The following WDR59 variants were observed in gnomAD, a reference collection of about 807,000 sequenced individuals.
The protein encoded by WDR59 is GATOR2 complex protein WDR59.
In WDR59, 100 loss-of-function variants were observed where a neutral mutation model predicts 131.2. The ratio of observed to expected loss-of-function variants is 0.76; its 90% CI spans 0.65 to 0.90. The LOEUF (loss-of-function observed/expected upper bound fraction) is 0.90. Ranked by LOEUF, WDR59 falls within the 40% of genes least tolerant of loss-of-function variation. The pLI is 0.00. For synonymous variants in WDR59, 601 were observed against 466.2 expected (o/e 1.29, Z -3.72); for missense variants, 1,203 against 1,262.2 (o/e 0.95, Z 0.71).
intron 15 of WDR59, 67 bp from the exon 16 acceptor site, chr16:74,909,724 C>T (rs1355752302): frequency 3.9e-6 from 6 of 1,555,502 alleles, no homozygotes; most frequent in Non-Finnish European, 4.3e-6. Flanking sequence ...AAAATAAAGA[C>T]CCAGTATGAC....
intron 8 of WDR59, among the ~76,000 whole-genome samples, chr16:74,934,500 A>T (rs1052198846): frequency 6.6e-6 from 1 of 152,206 alleles, no homozygotes; most frequent in East Asian, 1.9e-4. Flanking sequence ...TGTCATTTGC[A>T]AACAGAAGAC....
In WDR59 at chr16:74,927,542, C is replaced by T. The variant is rs149533274; in HGVS notation, c.652-3539G>A. Among the ~76,000 whole-genome samples, 972 of 141,992 alleles carry T rather than the reference C, an allele frequency of 6.8e-3. 15 individuals carry two copies. The highest frequency in any genetic ancestry group is 0.024 in the African/African-American group (926 of 39,014). 93.2% of individuals were successfully genotyped at this position (141,992 alleles called of 152,430 possible). A position where few individuals can be genotyped will look rare whatever the true frequency, so the allele number is the denominator to read the frequency against. ...GGTGGAGGTTGCAGTGAGCTGAGACCGCGCCACTGCACTCCAGCCTGGGCA... is the reference window on the plus strand; with the variant it reads ...GGTGGAGGTTGCAGTGAGCTGAGACTGCGCCACTGCACTCCAGCCTGGGCA... On this transcript the variant is annotated intron_variant, in intron 8 of 25. Coordinates refer to ENST00000262144, the MANE Select transcript of WDR59 (RefSeq NM_030581.4).
chr16:74,909,188 C>A (rs924386964), intron 16 of WDR59, among the ~76,000 whole-genome samples: 1 of 152,110 alleles, frequency 6.6e-6, no homozygotes, highest in African/African-American at 2.4e-5. Context: ...GTGGACTGGG[C>A]AGAGTCATCA....
intron 8 of WDR59, among the ~76,000 whole-genome samples, chr16:74,926,378 G>C (rs1429801441): frequency 2.0e-5 from 3 of 152,078 alleles, no homozygotes; most frequent in Non-Finnish European, 4.4e-5. Flanking sequence ...CATTGTTCCA[G>C]AGGAAAGGAA....
chr16:74,903,403 T>G (rs1965648131), intron 18 of WDR59, among the ~76,000 whole-genome samples: 1 of 152,202 alleles, frequency 6.6e-6, no homozygotes, highest in South Asian at 2.1e-4. Context: ...CAATGAGTTA[T>G]TTAAGAAACT....
chr16:74,972,457 T>G (rs544417440), intron 1 of WDR59, among the ~76,000 whole-genome samples: 1 of 152,280 alleles, frequency 6.6e-6, no homozygotes, highest in East Asian at 1.9e-4. Context: ...GGAAAAACTC[T>G]GCCCTTTCTC....
At chr16:74,889,388 A>G (rs1440619133) in intron 21 of WDR59, among the ~76,000 whole-genome samples, 1 of 152,166 alleles carries the variant, frequency 6.6e-6, no homozygotes, top group Non-Finnish European at 1.5e-5. Flanking sequence ...TTCAAGAAGA[A>G]ACTTACCATC....
intron 8 of WDR59, among the ~76,000 whole-genome samples, chr16:74,933,624 C>T (rs770413743): frequency 2.0e-5 from 3 of 152,106 alleles, no homozygotes; most frequent in Admixed American, 1.3e-4. Context: ...TAGCTCTTGT[C>T]GCCCAGGCTG....
chr16:74,888,868 A>AT (rs768956845), intron 21 of WDR59, among the ~76,000 whole-genome samples: 4 of 152,234 alleles, frequency 2.6e-5, no homozygotes, highest in Non-Finnish European at 5.9e-5. Flanking sequence ...TTAGGTACTC[A>AT]TATCCCCTTT....
At chr16:74,888,871 TC>T (rs1964902888) in intron 21 of WDR59, among the ~76,000 whole-genome samples, 1 of 152,204 alleles carries the variant, frequency 6.6e-6, no homozygotes, top group South Asian at 2.1e-4. Flanking sequence ...GGTACTCATA[TC>T]CCCTTTGTCC....
In WDR59 at chr16:74,888,192, G is replaced by A; in HGVS notation, c.2323C>T (p.Leu775Phe). The A allele has an allele frequency of 1.2e-6, 2 of 1,611,638 alleles. No homozygotes were observed. Among genetic ancestry groups the A allele is most frequent in the Non-Finnish European group, 1.7e-6 (2 of 1,179,470 alleles). The change falls in exon 22 of 26, where the codon CTT (leucine) becomes TTT (phenylalanine). Residue 775 changes from leucine to phenylalanine, a missense_variant. Leu to Phe is a conservative substitution (Grantham distance 22, BLOSUM62 0). Transcript: ENST00000262144. ...FGPFPNRSSN[L>F]VVSHSRYPSF... ...ACATATCGACTATGGGACACCACAA[G>A]ATTAGAAGAACGGTTAGGAAAAGGC...
At chr16:74,959,444 G>A (rs982858967) in intron 2 of WDR59, 3 of 417,490 alleles carry the variant, frequency 7.2e-6, no homozygotes, top group African/African-American at 6.4e-5. Context: ...GAAACCTGAA[G>A]GATAGGGACT....
At chr16:74,882,512 C>T (rs75602112) in intron 25 of WDR59, among the ~76,000 whole-genome samples, 2,334 of 152,252 alleles carry the variant, frequency 0.015, 44 homozygotes, top group African/African-American at 0.051. Context: ...GCAGGCACAT[C>T]GCTTGAGGCC....
At position 74,909,913 on chromosome 16, in the gene WDR59, AGG is replaced by A; in HGVS notation, c.1392_1393del (p.Leu465GlufsTer27). On this transcript the variant is annotated frameshift_variant and splice_region_variant, in exon 15 of 26. Coordinates refer to ENST00000262144, the MANE Select transcript of WDR59 (RefSeq NM_030581.4). LOFTEE classifies it high-confidence loss of function. The stretch of plus-strand genomic sequence containing the variant: ...CACTTTCTGCAGGGCTGTGTCCTTC[AGG>A]ATCTAGAAAAGGCCCAAAACACAGT... The A allele has an allele frequency of 6.2e-7, 1 of 1,605,728 alleles. No homozygotes were observed. The highest frequency in any genetic ancestry group is 2.2e-5 in the East Asian group (1 of 44,798).
At chr16:74,875,442 C>G (rs1964169530) in intron 25 of WDR59, among the ~76,000 whole-genome samples, 1 of 152,192 alleles carries the variant, frequency 6.6e-6, no homozygotes, top group South Asian at 2.1e-4. Flanking sequence ...AGCCTTTCCC[C>G]CTTTTCTCTG....
At chr16:74,896,306 A>C (rs1230052093) in intron 18 of WDR59, among the ~76,000 whole-genome samples, 1 of 152,174 alleles carries the variant, frequency 6.6e-6, no homozygotes, top group Non-Finnish European at 1.5e-5. Flanking sequence ...TCAATGAAGG[A>C]TGAGGTCTAC....
intron 7 of WDR59, among the ~76,000 whole-genome samples, chr16:74,941,337 T>C (rs1315808095): frequency 4.8e-5 from 5 of 105,132 alleles, no homozygotes; most frequent in Admixed American, 1.2e-4. Context: ...TGAGGCTCCA[T>C]CTCAAAAAAA....
chr16:74,937,473 CT>C (rs1442978150), intron 8 of WDR59, among the ~76,000 whole-genome samples: 2 of 152,126 alleles, frequency 1.3e-5, no homozygotes, highest in African/African-American at 4.8e-5. Context: ...TCATACATAT[CT>C]GACTTCCTTG....
intron 11 of WDR59, among the ~76,000 whole-genome samples, chr16:74,917,251 C>T (rs1399114543): frequency 6.6e-6 from 1 of 152,166 alleles, no homozygotes; most frequent in Non-Finnish European, 1.5e-5. Context: ...TTCATAAAAG[C>T]AGTGTTGCTG....
Sources: allele counts gnomAD v4.1 joint callset (sites outside exome capture counted in the v4.1 genomes callset), GRCh38; gene constraint gnomAD v4.1.1; transcripts MANE v1.5; gene names NCBI Gene and HGNC (gene_info 2026-07-23, HGNC 2026-07-21).